LPA: variants seen among roughly 807,000 people sequenced by gnomAD.
LPA encodes apolipoprotein(a).
A neutral mutation model predicts 197.9 loss-of-function variants in LPA; 199 were observed. The observed-to-expected ratio is 1.01, with a 90% CI of 0.90 to 1.13. The LOEUF is 1.13. Among genes scored for constraint, LPA ranks in the 50% most tolerant of loss-of-function variants. The pLI, the probability that LPA is intolerant of heterozygous loss-of-function variation, is 0.00. For synonymous variants in LPA, 715 were observed against 639.5 expected (o/e 1.12, Z -1.78); for missense variants, 1,853 against 1,785.8 (o/e 1.04, Z -0.68).
At position 160,547,869 on chromosome 6, in the gene LPA, G is replaced by T. The variant is rs1583570562; in HGVS notation, c.5224C>A (p.Gln1742Lys). The change falls in exon 32 of 39, where the codon CAG (glutamine) becomes AAG (lysine). Residue 1742 changes from glutamine (Q) to lysine (K), a missense_variant. Around this residue, in one of 3 missense-constraint regions of LPA, gnomAD observed 1,737 missense variants for 1,504.4 expected, o/e 1.15. Transcript: ENST00000316300. ...TGGGGCTCCTGGGCAGCCCATTCCT[G>T]GCATGGCGTCCCAGTAACAGTGGTT... is the stretch of plus-strand genomic sequence containing the variant. Reference protein sequence around the residue: ...KATTVTGTPCQEWAAQEPHRH... With the variant: ...KATTVTGTPCKEWAAQEPHRH... The T allele has an allele frequency of 3.1e-6, 5 of 1,614,098 alleles. No homozygotes were observed. Among genetic ancestry groups the T allele is most frequent in the Non-Finnish European group, 4.2e-6 (5 of 1,180,018 alleles).
At chr6:160,598,170 T>C (rs1216299460) in intron 20 of LPA, among the ~76,000 whole-genome samples, 2 of 152,206 alleles carry the variant, frequency 1.3e-5, no homozygotes, top group Admixed American at 6.5e-5. Context: ...TTTATTAAGC[T>C]CACTGTTCCC....
At chr6:160,661,053 A>T (rs1279133978) in intron 1 of LPA, among the ~76,000 whole-genome samples, 2 of 150,740 alleles carry the variant, frequency 1.3e-5, no homozygotes, top group Non-Finnish European at 3.0e-5. Flanking sequence ...TTCCCATTGC[A>T]AGGCTACTGA....
intron 28 of LPA, among the ~76,000 whole-genome samples, chr6:160,576,431 T>C (rs866179319): frequency 0.023 from 3,055 of 131,582 alleles, 171 homozygotes; most frequent in African/African-American, 0.085. Context: ...TATATATATA[T>C]ACACACATGC....
intron 30 of LPA, 36 bp from the exon 31 acceptor site, chr6:160,548,695 G>C (rs767574694): frequency 6.2e-7 from 1 of 1,609,612 alleles, no homozygotes; most frequent in East Asian, 2.2e-5. Context: ...TACAGGAGGC[G>C]GAAGAATATT....
intron 28 of LPA, among the ~76,000 whole-genome samples, chr6:160,564,726 T>C (rs1028491767): frequency 3.3e-5 from 5 of 151,494 alleles, no homozygotes; most frequent in African/African-American, 9.7e-5. Context: ...GTGTAAGGGG[T>C]CAGGGAATTC....
intron 18 of LPA, among the ~76,000 whole-genome samples, chr6:160,602,209 T>C (rs1779257711): frequency 6.6e-6 from 1 of 152,362 alleles, no homozygotes; most frequent in Non-Finnish European, 1.5e-5. Context: ...GCTTGAGTAC[T>C]TGAAAGACTT....
intron 20 of LPA, among the ~76,000 whole-genome samples, chr6:160,598,192 G>A (rs1779169155): frequency 6.6e-6 from 1 of 152,082 alleles, no homozygotes; most frequent in African/African-American, 2.4e-5. Flanking sequence ...TGTAGTTGTT[G>A]TTCCTCAATA....
chr6:160,576,398 A>ATACATATATATATATATGTG, intron 28 of LPA, among the ~76,000 whole-genome samples: 1 of 54,994 alleles, frequency 1.8e-5, no homozygotes, highest in South Asian at 5.2e-4. Context: ...ATGTATATAT[A>ATACATATATATATATATGTG]TATATATATA....
At chr6:160,536,997 G>A (rs1393777996) in intron 37 of LPA, among the ~76,000 whole-genome samples, 4 of 152,168 alleles carry the variant, frequency 2.6e-5, no homozygotes, top group Non-Finnish European at 5.9e-5. Context: ...GTACAAAGAG[G>A]TAACGTGTCT....
chr6:160,533,085 A>T lies in LPA; in HGVS notation c.5843-436T>A, dbSNP rs557270561. Among the ~76,000 whole-genome samples the T allele has an allele frequency of 3.2e-4, 49 of 152,210 alleles. 1 individual carries two copies. Among genetic ancestry groups the T allele is most frequent in the East Asian group, 2.9e-3 (15 of 5,184 alleles). ...AATCAATGTTATATCATGAGTTTTT[A>T]AAAAAATGCTACAGTCTTCATAACT... On this transcript the variant is annotated intron_variant, in intron 37 of 38. Coordinates refer to ENST00000316300, the MANE Select transcript of LPA (RefSeq NM_005577.4).
At chr6:160,544,077 A>G (rs1313129597) in intron 33 of LPA, among the ~76,000 whole-genome samples, 2 of 152,132 alleles carry the variant, frequency 1.3e-5, no homozygotes, top group African/African-American at 4.8e-5. Flanking sequence ...TACATCCTCA[A>G]TGTGGGTGAG....
At chr6:160,537,831 C>G (rs572057543) in intron 37 of LPA, 24 bp downstream of exon 37, 3 of 1,599,704 alleles carry the variant, frequency 1.9e-6, no homozygotes, top group African/African-American at 2.7e-5. Context: ...CAATTTGTTA[C>G]GTGGGCAATG....
intron 24 of LPA, among the ~76,000 whole-genome samples, chr6:160,587,845 C>T (rs1778944366): frequency 6.7e-6 from 1 of 149,808 alleles, no homozygotes; most frequent in African/African-American, 2.5e-5. Context: ...TTGTGTAGCT[C>T]CTATTGAATT....
intron 2 of LPA, among the ~76,000 whole-genome samples, chr6:160,646,873 A>G (rs1230491504): frequency 6.8e-6 from 1 of 147,810 alleles, no homozygotes; most frequent in Non-Finnish European, 1.5e-5. Context: ...CTTCAGAGAA[A>G]ACATGGCATC....
chr6:160,540,261 G>C (rs1329001435), intron 35 of LPA, 78 bp from the exon 36 acceptor site: 4 of 1,574,310 alleles, frequency 2.5e-6, no homozygotes, highest in Non-Finnish European at 3.5e-6. Flanking sequence ...ACTTGGCGCT[G>C]TCCCTCTGAC....
rs1192519432 is a variant in LPA, at chr6:160,626,426, TGTGA to T, written c.1577+1777_1577+1780del. Among the ~76,000 whole-genome samples, 8 of 108,204 alleles carry T rather than the reference TGTGA, an allele frequency of 7.4e-5. No homozygotes were observed. The South Asian group carries it at 1.2e-3, about 17-fold the overall frequency. 71.0% of individuals were successfully genotyped at this position (108,204 alleles called of 152,430 possible). A position where few individuals can be genotyped will look rare whatever the true frequency, so the allele number is the denominator to read the frequency against. ...TAGAACTTGTGAGTTTCTGCGTGTG[TGTGA>T]GTATGGGTGTGTTTTCAGTTTGTGT... On this transcript the variant is annotated intron_variant, in intron 10 of 38. Transcript: ENST00000316300.
chr6:160,610,616 G>T (rs1779477879), intron 16 of LPA, among the ~76,000 whole-genome samples: 2 of 152,134 alleles, frequency 1.3e-5, no homozygotes, highest in Non-Finnish European at 2.9e-5. Context: ...ACTACTGGAG[G>T]AGACTTCTAT....
chr6:160,607,639 C>T (rs768645862), intron 16 of LPA, among the ~76,000 whole-genome samples: 1 of 152,220 alleles, frequency 6.6e-6, no homozygotes, highest in South Asian at 2.1e-4. Context: ...ACATTCATGA[C>T]CTGTGGCTGC....
intron 8 of LPA, among the ~76,000 whole-genome samples, chr6:160,632,115 T>A (rs1400443770): frequency 2.4e-4 from 32 of 136,086 alleles, no homozygotes; most frequent in Admixed American, 5.0e-4. Flanking sequence ...AGTAATTTTT[T>A]TCAATTAAGA....
Sources: gnomAD v4.1 joint callset for allele counts (sites outside exome capture counted in the v4.1 genomes callset) on GRCh38, gnomAD v4.1.1 for gene constraint, gnomAD v4.1.1 regional missense constraint, MANE v1.5 for transcripts, NCBI Gene and HGNC (gene_info 2026-07-23, HGNC 2026-07-21) for gene names.